Variants in TCF20 observed in about 807,000 individuals in gnomAD.
The protein encoded by TCF20 is SPRE-binding protein.
A neutral mutation model predicts 148.6 loss-of-function variants in TCF20; 3 were observed. That is an observed-to-expected ratio of 0.02 (90% CI 0.01 to 0.05). The LOEUF is 0.05. Ranked by LOEUF, TCF20 falls within the 10% of genes least tolerant of loss-of-function variation. The pLI, the probability that TCF20 is intolerant of heterozygous loss-of-function variation, is 1.00. For synonymous variants in TCF20, 1,049 were observed against 909.5 expected (o/e 1.15, Z -2.76); for missense variants, 2,350 against 2,429.3 (o/e 0.97, Z 0.69).
chr22:42,211,744 A>G lies in TCF20; in HGVS notation c.3562T>C (p.Cys1188Arg). The G allele has an allele frequency of 1.2e-6, 2 of 1,614,196 alleles. No homozygotes were observed. The highest frequency in any genetic ancestry group is 1.6e-4 in the Middle Eastern group (1 of 6,062). The part of the protein sequence containing the change: ...KHGSQKLQES[C>R]WDLSRQTSPA... ...GAAGTTTGCCGAGAAAGATCCCAAC[A>G]GGATTCTTGTAACTTCTGGGAGCCA... The change falls in exon 2 of 6, where the codon TGT (cysteine) becomes CGT (arginine). Residue 1188 changes from cysteine (C) to arginine (R), a missense_variant. By Grantham distance (180) the Cys-to-Arg change is radical. Around this residue, in one of 7 missense-constraint regions of TCF20, gnomAD observed 1,641 missense variants for 1,662.6 expected, o/e 0.99. Transcript: ENST00000677622.
intron 2 of TCF20, among the ~76,000 whole-genome samples, chr22:42,186,704 C>A (rs1937064014): frequency 6.6e-6 from 1 of 152,182 alleles, no homozygotes; most frequent in South Asian, 2.1e-4. Context: ...AGTCTCTGGA[C>A]ACTTCACTTC....
At chr22:42,266,482 T>C (rs544007823) in intron 1 of TCF20, among the ~76,000 whole-genome samples, 2 of 152,356 alleles carry the variant, frequency 1.3e-5, no homozygotes, top group South Asian at 4.1e-4. Context: ...TTTAAAAAGT[T>C]GGCCAGGTGC....
At chr22:42,185,734 T>C (rs978010983) in intron 2 of TCF20, among the ~76,000 whole-genome samples, 6 of 152,214 alleles carry the variant, frequency 3.9e-5, no homozygotes, top group African/African-American at 1.4e-4. Context: ...AATACATACA[T>C]AGCCCTAGGT....
intron 1 of TCF20, among the ~76,000 whole-genome samples, chr22:42,221,779 C>T (rs1478858633): frequency 8.2e-6 from 1 of 122,108 alleles, no homozygotes; most frequent in Admixed American, 9.6e-5. Flanking sequence ...CGTTCTGTTG[C>T]CCAGGCTGGA....
In TCF20 at chr22:42,212,077, C is replaced by A. The variant is rs763864152; in HGVS notation, c.3229G>T (p.Ala1077Ser). Residue 1077 changes from alanine to serine, a missense_variant, in exon 2 of 6, where the codon GCA (alanine) becomes TCA (serine). By Grantham distance (99) the Ala-to-Ser change is moderately conservative. This residue lies in a region of TCF20 where 1,641 missense variants were observed against 1,662.6 expected (regional missense o/e 0.99). Coordinates refer to ENST00000677622, the MANE Select transcript of TCF20 (RefSeq NM_001378418.1). Reference sequence around the variant, plus strand: ...TAATGCAGCTGAGAATTCAAACCTGCGTTAGGGTCCCCATAAGCATGAGCC... The same window carrying A: ...TAATGCAGCTGAGAATTCAAACCTGAGTTAGGGTCCCCATAAGCATGAGCC... Reference protein sequence around the residue: ...TRAHAYGDPNAGLNSQLHYKR... With the variant: ...TRAHAYGDPNSGLNSQLHYKR... The A allele has an allele frequency of 6.2e-7, 1 of 1,614,076 alleles. No individual in the cohort carries two copies.
At chr22:42,177,171 T>G (rs1271928643) in intron 3 of TCF20, among the ~76,000 whole-genome samples, 1 of 151,956 alleles carries the variant, frequency 6.6e-6, no homozygotes, top group Non-Finnish European at 1.5e-5. Context: ...TCCCAGCACT[T>G]TGGGAGGCTG....
chr22:42,236,577 T>G (rs1271858203), intron 1 of TCF20, among the ~76,000 whole-genome samples: 1 of 152,188 alleles, frequency 6.6e-6, no homozygotes, highest in Non-Finnish European at 1.5e-5. Flanking sequence ...GAGTTTTCCC[T>G]TCTTCCCTGA....
At position 42,212,730 on chromosome 22, in the gene TCF20, G is replaced by C; in HGVS notation, c.2576C>G (p.Ser859Cys). 6.2e-7 allele frequency: 1 copy of C among 1,614,186 alleles called. No individual in the cohort carries two copies. Among genetic ancestry groups the C allele is most frequent in the Non-Finnish European group, 8.5e-7 (1 of 1,180,042 alleles). The change falls in exon 2 of 6, where the codon TCC (serine) becomes TGC (cysteine). Residue 859 changes from serine (S) to cysteine (C), a missense_variant. Physicochemically the swap from Ser to Cys is moderately radical, Grantham distance 112 (BLOSUM62 -1). Coordinates refer to ENST00000677622, the MANE Select transcript of TCF20 (RefSeq NM_001378418.1). Reference protein sequence around the residue: ...PQSSAHEPGGSLSERRSVICD... With the variant: ...PQSSAHEPGGCLSERRSVICD... Reference sequence around the variant, plus strand: ...GATCACTGATCTTCTTTCAGAGAGGGAACCCCCAGGCTCATGTGCTGATGA... The same window carrying C: ...GATCACTGATCTTCTTTCAGAGAGGCAACCCCCAGGCTCATGTGCTGATGA...
At chr22:42,293,625 C>T (rs1383506905) in intron 1 of TCF20, among the ~76,000 whole-genome samples, 1 of 152,160 alleles carries the variant, frequency 6.6e-6, no homozygotes, top group African/African-American at 2.4e-5. Flanking sequence ...GCCTGGGGCA[C>T]CTTAACCAGC....
chr22:42,332,361 T>G (rs1927991527), intron 1 of TCF20, among the ~76,000 whole-genome samples: 1 of 152,046 alleles, frequency 6.6e-6, no homozygotes, highest in South Asian at 2.1e-4. Flanking sequence ...TAGTGACCAG[T>G]GCAGGAGCTG....
intron 1 of TCF20, among the ~76,000 whole-genome samples, chr22:42,305,894 G>A (rs935906586): frequency 6.6e-6 from 1 of 152,156 alleles, no homozygotes; most frequent in Non-Finnish European, 1.5e-5. Context: ...CCTCAGGAGG[G>A]AGGCACTGGC....
At chr22:42,296,164 T>C (rs1165399928) in intron 1 of TCF20, among the ~76,000 whole-genome samples, 11 of 152,040 alleles carry the variant, frequency 7.2e-5, no homozygotes, top group African/African-American at 2.4e-5. Context: ...TGCTTGGCAG[T>C]GCAGGATCAC....
intron 2 of TCF20, 23 bp from the exon 3 acceptor site, chr22:42,179,725 G>C (rs564483485): frequency 1.3e-6 from 2 of 1,564,236 alleles, no homozygotes; most frequent in Non-Finnish European, 1.8e-6. Context: ...GAAAAGTCAG[G>C]CATGTCAGTA....
intron 1 of TCF20, among the ~76,000 whole-genome samples, chr22:42,231,497 A>C (rs1923393543): frequency 6.6e-6 from 1 of 152,186 alleles, no homozygotes; most frequent in Non-Finnish European, 1.5e-5. Flanking sequence ...AATTAATAAT[A>C]ATCATAAAAA....
At chr22:42,323,355 T>C (rs1319142781) in intron 1 of TCF20, among the ~76,000 whole-genome samples, 2 of 151,638 alleles carry the variant, frequency 1.3e-5, no homozygotes, top group South Asian at 2.1e-4. Context: ...AGGGCCAGCA[T>C]GGAGGGGCCA....
At chr22:42,198,300 T>C (rs986189800) in intron 2 of TCF20, among the ~76,000 whole-genome samples, 16 of 152,276 alleles carry the variant, frequency 1.1e-4, no homozygotes, top group Admixed American at 2.0e-4. Flanking sequence ...ACCTGGAGTG[T>C]GATGAGACCC....
rs939250832 is a variant in TCF20 at position 42,299,771 on chromosome 22, C to T, written c.-37+43708G>A. ...AATTAGCAGGTACCTGGAGTGGGGT[C>T]GGTAAGAGAGAATAGCAGAGGAGGA... is the stretch of plus-strand genomic sequence containing the variant. On this transcript the variant is annotated intron_variant, in intron 1 of 1. Transcript: ENST00000515426. The surrounding 1 kb of genome is among the most constrained non-coding windows in gnomAD (Gnocchi z 4.1). Among the ~76,000 whole-genome samples the T allele has an allele frequency of 3.3e-4, 50 of 149,722 alleles. No homozygotes were observed. The highest frequency in any genetic ancestry group is 1.9e-3 in the Admixed American group (29 of 15,074).
intron 1 of TCF20, among the ~76,000 whole-genome samples, chr22:42,308,175 G>A (rs1291912978): frequency 6.6e-6 from 1 of 152,180 alleles, no homozygotes; most frequent in Non-Finnish European, 1.5e-5. Flanking sequence ...CTGGGGTGGG[G>A]AGAGGGGGCT....
At chr22:42,180,645 G>A (rs1322380580) in intron 2 of TCF20, among the ~76,000 whole-genome samples, 6 of 152,146 alleles carry the variant, frequency 3.9e-5, no homozygotes, top group African/African-American at 1.4e-4. Flanking sequence ...CACTGAGCTG[G>A]CTCAGGCCCC....
Sources: allele counts gnomAD v4.1 joint callset (sites outside exome capture counted in the v4.1 genomes callset), GRCh38; gene constraint gnomAD v4.1.1; regional missense constraint gnomAD v4.1.1; non-coding constraint Gnocchi (gnomAD v3.1); transcripts MANE v1.5; gene names NCBI Gene and HGNC (gene_info 2026-07-23, HGNC 2026-07-21).